The following HACE1 variants were observed in gnomAD, a reference collection of about 807,000 sequenced individuals.
The protein encoded by HACE1 is E3 ubiquitin-protein ligase HACE1.
A neutral mutation model predicts 118.4 loss-of-function variants in HACE1; 73 were observed. The observed-to-expected ratio is 0.62, with a 90% CI of 0.51 to 0.75. The LOEUF is 0.75. Among genes scored for constraint, HACE1 ranks in the 30% least tolerant of loss-of-function variants. HACE1 has a pLI of 0.00. For synonymous variants in HACE1, 368 were observed against 374.8 expected (o/e 0.98, Z 0.21); for missense variants, 749 against 1,102.2 (o/e 0.68, Z 4.54).
intron 3 of HACE1, 27 bp from the exon 4 acceptor site, chr6:104,849,273 G>T (rs766090783): frequency 2.0e-5 from 26 of 1,280,094 alleles, no homozygotes; most frequent in Admixed American, 5.0e-5. Flanking sequence ...AGACAGTTCA[G>T]ATACATTCAA....
chr6:104,762,989 C>CAAA (rs56232124), intron 19 of HACE1, among the ~76,000 whole-genome samples: 62 of 31,570 alleles, frequency 2.0e-3, no homozygotes, highest in Non-Finnish European at 2.6e-3. Context: ...GACTCCATCT[C>CAAA]AAAAAAAAAA....
chr6:104,812,344 G>C (rs1018385689), intron 6 of HACE1, among the ~76,000 whole-genome samples: 1 of 152,018 alleles, frequency 6.6e-6, no homozygotes, highest in Admixed American at 6.6e-5. Flanking sequence ...TACTCAGGAG[G>C]CTGAGGTGGG....
At chr6:104,833,415 T>C (rs768439023) in intron 5 of HACE1, among the ~76,000 whole-genome samples, 1 of 152,186 alleles carries the variant, frequency 6.6e-6, no homozygotes, top group Non-Finnish European at 1.5e-5. Flanking sequence ...CTTGCTATGT[T>C]GTTCAGGTTG....
chr6:104,789,871 T>C (rs1782830987), intron 11 of HACE1, among the ~76,000 whole-genome samples: 1 of 152,144 alleles, frequency 6.6e-6, no homozygotes, highest in Non-Finnish European at 1.5e-5. Flanking sequence ...AAAACAACTT[T>C]GTGTGATATG....
At position 104,850,901 on chromosome 6, in the gene HACE1, T is replaced by C. The variant is rs1249957853; in HGVS notation, c.221+6A>G. ...AGAGTTTAACTCAAAATATCTTTAG[T>C]CTTACTTTGCTGCAATGTGAAGCAA... is the stretch of plus-strand genomic sequence containing the variant. On this transcript the variant is annotated splice_donor_region_variant and intron_variant, in intron 3 of 23. Transcript: ENST00000262903. 6.5e-7 allele frequency: 1 copy of C among 1,538,560 alleles called. No individual in the cohort carries two copies. The highest frequency in any genetic ancestry group is 9.0e-7 in the Non-Finnish European group (1 of 1,111,044).
chr6:104,826,689 T>C (rs1773368269), intron 6 of HACE1, among the ~76,000 whole-genome samples: 1 of 152,208 alleles, frequency 6.6e-6, no homozygotes. Flanking sequence ...TGATAAATGA[T>C]TACCTATGTA....
chr6:104,729,093 G>A lies in HACE1; in HGVS notation c.*569C>T, dbSNP rs553385597. The A allele has an allele frequency of 6.5e-6, 1 of 152,684 alleles. No individual in the cohort carries two copies. Among genetic ancestry groups the A allele is most frequent in the South Asian group, 2.1e-4 (1 of 4,832 alleles). 9.5% of individuals were successfully genotyped at this position (152,684 alleles called of 1,614,324 possible). A position where few individuals can be genotyped will look rare whatever the true frequency, so the allele number is the denominator to read the frequency against. On this transcript the variant is annotated 3_prime_UTR_variant, in exon 24 of 24. Coordinates refer to ENST00000262903, the MANE Select transcript of HACE1 (RefSeq NM_020771.4). The stretch of plus-strand genomic sequence containing the variant: ...TTATATGTCATTTCATCAACTGTTA[G>A]TATCATCAGTCTAAATTTTACAATA...
intron 17 of HACE1, among the ~76,000 whole-genome samples, chr6:104,775,249 T>C (rs1411317700): frequency 6.6e-6 from 1 of 151,912 alleles, no homozygotes; most frequent in Non-Finnish European, 1.5e-5. Flanking sequence ...GCTCAAGTGA[T>C]CCTCCCACCT....
At chr6:104,852,247 G>T in intron 2 of HACE1, 70 bp downstream of exon 2, 1 of 862,920 alleles carries the variant, frequency 1.2e-6, no homozygotes, top group Non-Finnish European at 2.0e-6. Flanking sequence ...GCGCGTGCAC[G>T]GGCATGCAGT....
chr6:104,858,525 C>T lies in HACE1; in HGVS notation c.76+1042G>A, dbSNP rs1404008488. 3.4e-5 allele frequency: 13 copies of T among 381,156 alleles called. No individual in the cohort carries two copies. The Admixed American group carries it at 4.0e-4, about 12-fold the overall frequency. 23.6% of individuals were successfully genotyped at this position (381,156 alleles called of 1,614,324 possible). On this transcript the variant is annotated intron_variant, in intron 1 of 23. Transcript: ENST00000262903. ...GACCAGCCTGGGGAACATAGTGAGA[C>T]CTCATCTCTATAAAAGAAAGGAAAG...
chr6:104,732,612 G>A (rs1167893766), intron 22 of HACE1, among the ~76,000 whole-genome samples: 2 of 152,076 alleles, frequency 1.3e-5, no homozygotes, highest in Non-Finnish European at 2.9e-5. Flanking sequence ...GAAGATGGAT[G>A]GTGGTGATAG....
intron 1 of HACE1, among the ~76,000 whole-genome samples, chr6:104,854,263 T>C (rs961080153): frequency 1.3e-5 from 2 of 152,144 alleles, no homozygotes; most frequent in African/African-American, 4.8e-5. Context: ...TAAAGAAACA[T>C]AACTAAAGGC....
At position 104,737,223 on chromosome 6, in the gene HACE1, C is replaced by A. The variant is rs546998037; in HGVS notation, c.2514-6807G>T. On this transcript the variant is annotated intron_variant, in intron 22 of 23. Coordinates refer to ENST00000262903, the MANE Select transcript of HACE1 (RefSeq NM_020771.4). Reference sequence around the variant, plus strand: ...AGGAGAATCACTTGAACCCAGGGGGCGGAGGTTGCAGATCGAGCCACTGCA... The same window carrying A: ...AGGAGAATCACTTGAACCCAGGGGGAGGAGGTTGCAGATCGAGCCACTGCA... 1.6e-5 allele frequency among the ~76,000 whole-genome samples: 2 copies of A among 124,742 alleles called. 1 individual carries two copies. Among genetic ancestry groups the A allele is most frequent in the Non-Finnish European group, 3.2e-5 (2 of 63,410 alleles). The allele number at this position is 124,742 out of a possible 152,430, so 81.8% of individuals were successfully genotyped here.
chr6:104,773,226 G>C (rs1462873323), intron 17 of HACE1, among the ~76,000 whole-genome samples: 1 of 151,870 alleles, frequency 6.6e-6, no homozygotes, highest in African/African-American at 2.4e-5. Flanking sequence ...TAAATGCCTG[G>C]GCTAAAAGAA....
chr6:104,804,400 T>A, intron 7 of HACE1, among the ~76,000 whole-genome samples: 1 of 152,290 alleles, frequency 6.6e-6, no homozygotes, highest in East Asian at 1.9e-4. Context: ...AGTGCCCTCA[T>A]TGCCAAGACA....
intron 21 of HACE1, 128 bp downstream of exon 21, chr6:104,744,384 C>A: frequency 1.2e-6 from 1 of 803,304 alleles, no homozygotes. Context: ...TGCACTATTC[C>A]CACAAGAATA....
At chr6:104,772,978 T>G (rs1301710412) in intron 17 of HACE1, among the ~76,000 whole-genome samples, 1 of 152,070 alleles carries the variant, frequency 6.6e-6, no homozygotes, top group African/African-American at 2.4e-5. Flanking sequence ...GCCACTGAAT[T>G]GTACACTTTC....
At chr6:104,738,307 A>T (rs568717344) in intron 22 of HACE1, among the ~76,000 whole-genome samples, 22 of 152,118 alleles carry the variant, frequency 1.4e-4, no homozygotes, top group Admixed American at 3.3e-4. Context: ...AACGGAACAA[A>T]GCTGGATGGA....
chr6:104,821,248 C>A (rs1024831913), intron 6 of HACE1, among the ~76,000 whole-genome samples: 4 of 151,904 alleles, frequency 2.6e-5, no homozygotes, highest in Non-Finnish European at 5.9e-5. Flanking sequence ...ACTAGGCTAC[C>A]TATGTGATGA....
Sources: allele counts gnomAD v4.1 joint callset (sites outside exome capture counted in the v4.1 genomes callset), GRCh38; gene constraint gnomAD v4.1.1; transcripts MANE v1.5; gene names NCBI Gene and HGNC (gene_info 2026-07-23, HGNC 2026-07-21).